The following ZYG11B variants were observed in gnomAD, a reference collection of about 807,000 sequenced individuals.
ZYG11B encodes the protein zyg-11 family member B, cell cycle regulator, also known as protein zyg-11 homolog B.
A neutral mutation model predicts 82.4 loss-of-function variants in ZYG11B; 36 were observed. The ratio of observed to expected loss-of-function variants is 0.44; its 90% confidence interval spans 0.33 to 0.58. The LOEUF is 0.58. Ranked by LOEUF, ZYG11B falls within the 20% of genes least tolerant of loss-of-function variation. ZYG11B has a pLI of 0.02. For synonymous variants in ZYG11B, 303 were observed against 312.8 expected, an observed-to-expected ratio of 0.97 and a Z score of 0.33; for missense variants, 552 against 895.6, an observed-to-expected ratio of 0.62 and a Z score of 4.90.
At chr1:52,795,705 A>G (rs1645001234) in intron 6 of ZYG11B, among the ~76,000 whole-genome samples, 1 of 152,142 alleles carries the variant, frequency 6.6e-6, no homozygotes, top group Admixed American at 6.6e-5. Flanking sequence ...TCAACATTTC[A>G]TATCCTCTTT....
chr1:52,807,022 C>T (rs2149962563), intron 10 of ZYG11B, among the ~76,000 whole-genome samples: 1 of 152,104 alleles, frequency 6.6e-6, no homozygotes, highest in Non-Finnish European at 1.5e-5. Context: ...GCGCCTGCCT[C>T]TGTGTCCGGC....
At chr1:52,783,873 C>CAT (rs1644883205) in intron 4 of ZYG11B, among the ~76,000 whole-genome samples, 1 of 99,850 alleles carries the variant, frequency 1.0e-5, no homozygotes, top group African/African-American at 7.1e-5. Context: ...TGTACATACA[C>CAT]GTGTGTGTAT....
chr1:52,772,678 G>GC (rs1553259996), intron 3 of ZYG11B: 5 of 623,852 alleles, frequency 8.0e-6, no homozygotes, highest in African/African-American at 1.9e-5. Context: ...CGAAAGGCTT[G>GC]TTTTTTTTTT....
intron 10 of ZYG11B, among the ~76,000 whole-genome samples, chr1:52,803,107 T>C (rs202148137): frequency 2.3e-4 from 21 of 89,908 alleles, no homozygotes; most frequent in East Asian, 9.5e-4. Flanking sequence ...TACATATATA[T>C]ATATATATAT....
In ZYG11B at chr1:52,801,890, T is replaced by C; in HGVS notation, c.1557T>C (p.Ser519=). ...SVDTTLKFTL[S]ALWNLTDESP... The stretch of plus-strand genomic sequence containing the variant: ...ACACTACATTGAAATTTACTTTGAG[T>C]GCACTTTGGAACCTCACAGATGAAT... Residue 519 remains serine (S), a synonymous_variant, in exon 9 of 14, where the codon AGT becomes AGC. Transcript: ENST00000294353. 6.2e-7 allele frequency: 1 copy of C among 1,612,926 alleles called. No individual in the cohort carries two copies. The highest frequency in any genetic ancestry group is 1.1e-5 in the South Asian group (1 of 90,828).
chr1:52,743,541 G>C lies in ZYG11B; in HGVS notation c.31-12917G>C, dbSNP rs111453335. On this transcript the variant is annotated intron_variant, in intron 1 of 13. Transcript: ENST00000294353. ...AGCCTGGGCAACATAGCAAGACCTT[G>C]TCTTTACCAAAAATAAAAAAAAATT... 5.4e-3 allele frequency among the ~76,000 whole-genome samples: 812 copies of C among 151,626 alleles called. 3 individuals are homozygous for C. Among genetic ancestry groups the C allele is most frequent in the African/African-American group, 0.018 (765 of 41,370 alleles).
rs923238822 is a variant in ZYG11B, at chr1:52,726,468, G to T, written c.-186G>T. 3.8e-6 allele frequency: 2 copies of T among 520,532 alleles called. No homozygotes were observed. Among genetic ancestry groups the T allele is most frequent in the Non-Finnish European group, 5.9e-6 (2 of 338,026 alleles). 32.2% of individuals were successfully genotyped at this position (520,532 alleles called of 1,614,324 possible). A position where few individuals can be genotyped will look rare whatever the true frequency, so the allele number is the denominator to read the frequency against. On this transcript the variant is annotated 5_prime_UTR_variant, in exon 1 of 14. Coordinates refer to ENST00000294353, the MANE Select transcript of ZYG11B (RefSeq NM_024646.3). ...TCGCGGGGGCGGAGTCTGCGCTCTGGTTCGGGCTGCGGCTGCGGCTGCGGC... is the reference window on the plus strand; with the variant it reads ...TCGCGGGGGCGGAGTCTGCGCTCTGTTTCGGGCTGCGGCTGCGGCTGCGGC...
At chr1:52,760,271 T>C (rs1322863377) in intron 2 of ZYG11B, among the ~76,000 whole-genome samples, 1 of 152,148 alleles carries the variant, frequency 6.6e-6, no homozygotes, top group Non-Finnish European at 1.5e-5. Flanking sequence ...GGCAAAACCC[T>C]GTCTTTACTA....
intron 10 of ZYG11B, among the ~76,000 whole-genome samples, chr1:52,804,538 G>C (rs958892434): frequency 2.0e-5 from 3 of 152,092 alleles, no homozygotes; most frequent in African/African-American, 7.2e-5. Context: ...GCTTGAACCT[G>C]GGAGGTGGAG....
In ZYG11B at chr1:52,726,595, G is replaced by A. The variant is rs940714079; in HGVS notation, c.-59G>A. 8.8e-6 allele frequency: 12 copies of A among 1,370,908 alleles called. No individual in the cohort carries two copies. In the African/African-American group the frequency reaches 1.4e-4, roughly 16 times the overall value. The allele number at this position is 1,370,908 out of a possible 1,614,324, so 84.9% of individuals were successfully genotyped here. A position where few individuals can be genotyped will look rare whatever the true frequency, so the allele number is the denominator to read the frequency against. ...CGGAGCCTCCTGGAGCCTCCGCGCC[G>A]GCTCAGCCTGGGGGCGGGCTCCGGT... On this transcript the variant is annotated 5_prime_UTR_variant, in exon 1 of 14. Transcript: ENST00000294353.
In ZYG11B at chr1:52,784,882, G is replaced by A. The variant is rs771578467; in HGVS notation, c.1098G>A (p.Val366=). 1.4e-5 allele frequency: 22 copies of A among 1,611,310 alleles called. No homozygotes were observed. In the Middle Eastern group the frequency reaches 4.9e-4, roughly 36 times the overall value. ...EKTKPEILKL[V]VTGMRNHPMN... ...GACTAATTTTTTTTTTCCAGCTTGT[G>A]GTTACTGGGATGAGAAACCACCCTA... The change falls in exon 5 of 14, where the codon GTG becomes GTA. Residue 366 remains valine (V), a synonymous_variant. Transcript: ENST00000294353.
At chr1:52,783,971 T>TAC (rs201276854) in intron 4 of ZYG11B, among the ~76,000 whole-genome samples, 18 of 54,542 alleles carry the variant, frequency 3.3e-4, no homozygotes, top group South Asian at 9.6e-4. Context: ...TACACACATA[T>TAC]ACACACACAC....
chr1:52,735,099 C>T (rs374202578), intron 1 of ZYG11B, among the ~76,000 whole-genome samples: 5 of 149,704 alleles, frequency 3.3e-5, no homozygotes, highest in African/African-American at 7.4e-5. Flanking sequence ...GGCGCGATCT[C>T]GGCTCACCGC....
rs757353467 is a variant in ZYG11B, at chr1:52,756,481, A to G, written c.54A>G (p.Leu18=). Residue 18 remains leucine (L), a synonymous_variant, in exon 2 of 14, where the codon TTA becomes TTG. Transcript: ENST00000294353. ...AGGAGGAGGCGTCTCCCTATTCCTT[A>G]CTTGATATCTGCTTGAATTTCTTGA... is the stretch of plus-strand genomic sequence containing the variant. ...AAMEEASPYS[L]LDICLNFLTT... is the part of the protein sequence containing the mutation. The G allele has an allele frequency of 6.2e-7, 1 of 1,614,046 alleles. No homozygotes were observed. The highest frequency in any genetic ancestry group is 1.1e-5 in the South Asian group (1 of 91,066).
At chr1:52,735,611 A>G (rs1644372559) in intron 1 of ZYG11B, among the ~76,000 whole-genome samples, 1 of 151,976 alleles carries the variant, frequency 6.6e-6, no homozygotes, top group African/African-American at 2.4e-5. Context: ...ATCTCGGCTC[A>G]CTGCAGCCTC....
In ZYG11B at chr1:52,742,600, T is replaced by TCGGAGG. The variant is rs1644439915; in HGVS notation, c.31-13848_31-13843dup. 2.0e-5 allele frequency among the ~76,000 whole-genome samples: 3 copies of TCGGAGG among 152,268 alleles called. No homozygotes were observed. In the East Asian group the frequency reaches 5.8e-4, roughly 29 times the overall value. On this transcript the variant is annotated intron_variant, in intron 1 of 13. Transcript: ENST00000294353. ...GCTCACGCCTGTAATCCCAGCACTT[T>TCGGAGG]CGGAGGCGGAGGCGGGCGGATCACG...
intron 4 of ZYG11B, among the ~76,000 whole-genome samples, chr1:52,783,882 A>ATGTACATGCATGTGTGTG (rs74208826): frequency 7.9e-6 from 1 of 126,012 alleles, no homozygotes; most frequent in African/African-American, 3.5e-5. Context: ...ACGTGTGTGT[A>ATGTACATGCATGTGTGTG]TATGTACATA....
chr1:52,813,552 T>C lies in ZYG11B; in HGVS notation c.1712T>C (p.Val571Ala). 1 of 1,612,184 alleles carries C rather than the reference T, an allele frequency of 6.2e-7. No homozygotes were observed. The highest frequency in any genetic ancestry group is 8.5e-7 in the Non-Finnish European group (1 of 1,178,452). Residue 571 changes from valine (V) to alanine (A), a missense_variant, in exon 11 of 14, where the codon GTA becomes GCA. Coordinates refer to ENST00000294353, the MANE Select transcript of ZYG11B (RefSeq NM_024646.3). ...VLGLLNNIAEVQELHSELMWK... is the reference protein window; with the variant it reads ...VLGLLNNIAEAQELHSELMWK... ...TTTTTCCAGAACAATATAGCTGAAG[T>C]ACAAGAATTACATTCTGAATTAATG... is the stretch of plus-strand genomic sequence containing the variant.
At chr1:52,750,422 G>C (rs932393681) in intron 1 of ZYG11B, among the ~76,000 whole-genome samples, 2 of 152,130 alleles carry the variant, frequency 1.3e-5, no homozygotes, top group Non-Finnish European at 2.9e-5. Context: ...ACAGGCATGG[G>C]CCACCATGCC....
Sources: gnomAD v4.1 joint callset for allele counts (sites outside exome capture counted in the v4.1 genomes callset) on GRCh38, gnomAD v4.1.1 for gene constraint, MANE v1.5 for transcripts, NCBI Gene and HGNC (gene_info 2026-07-23, HGNC 2026-07-21) for gene names.